Variants in TYMP observed in about 807,000 individuals in gnomAD.
TYMP encodes the protein thymidine phosphorylase.
A neutral mutation model predicts 42.3 loss-of-function variants in TYMP; 46 were observed. The ratio of observed to expected loss-of-function variants is 1.09; its 90% CI spans 0.86 to 1.39. The LOEUF (loss-of-function observed/expected upper bound fraction) is 1.39. TYMP is among the 40% of genes most tolerant of loss of function. The probability of loss-of-function intolerance (pLI) is 0.00; values close to 1 mark genes in which losing one functional copy is unlikely to be tolerated. For synonymous variants in TYMP, 363 were observed against 308.0 expected (o/e 1.18, Z -1.87); for missense variants, 837 against 677.6 (o/e 1.24, Z -2.61).
Position 50,526,298 on chromosome 22 carries a change from C to T in TYMP, c.1107G>A (p.Arg369=). 6.4e-7 allele frequency: 1 copy of T among 1,555,994 alleles called. No homozygotes were observed. Among genetic ancestry groups the T allele is most frequent in the Non-Finnish European group, 8.6e-7 (1 of 1,161,466 alleles). The stretch of plus-strand genomic sequence containing the variant: ...GCTCCCGGGCGCGAGGCAGCAGCTG[C>T]CGGCGTTCTGCGGGACTTCCCGAGC... ...ALCSGSPAER[R]QLLPRAREQE... is the part of the protein sequence containing the mutation. Residue 369 remains arginine, a synonymous_variant, in exon 8 of 10, where the codon CGG becomes CGA. Transcript: ENST00000252029.
intron 1 of TYMP, 84 bp downstream of exon 1, chr22:50,529,820 C>T (rs745558547): frequency 9.8e-7 from 1 of 1,022,426 alleles, no homozygotes; most frequent in Non-Finnish European, 1.4e-6. Flanking sequence ...TCTCCGGTGT[C>T]CGCCCCTCGG....
At chr22:50,526,208 G>C in intron 8 of TYMP, 38 bp downstream of exon 8, 1 of 1,494,472 alleles carries the variant, frequency 6.7e-7, no homozygotes, top group Non-Finnish European at 8.9e-7. Flanking sequence ...GGAAGGGGAT[G>C]GCGGAGGCGG....
At position 50,527,221 on chromosome 22, in the gene TYMP, C is replaced by G. The variant is rs1556488369; in HGVS notation, c.709G>C (p.Gly237Arg). Residue 237 changes from glycine to arginine, a missense_variant, in exon 6 of 10, where the codon GGA (glycine) becomes CGA (arginine). Physicochemically the swap from Gly to Arg is moderately radical, Grantham distance 125. Transcript: ENST00000252029. The part of the protein sequence containing the change: ...LSALVVDVKF[G>R]GAAVFPNQEQ... ...TGGTTGGGGAAGACGGCGGCCCCTC[C>G]GAACTTAACGTCCACCACCAGAGCG... The G allele has an allele frequency of 1.2e-6, 2 of 1,613,616 alleles. No individual in the cohort carries two copies. Among genetic ancestry groups the G allele is most frequent in the Non-Finnish European group, 1.7e-6 (2 of 1,180,008 alleles).
chr22:50,528,178 A>T (rs1359879983), intron 4 of TYMP: 2 of 408,790 alleles, frequency 4.9e-6, no homozygotes, highest in Non-Finnish European at 9.2e-6. Context: ...CACGCAGCGA[A>T]CTATTTTGTA....
At position 50,526,640 on chromosome 22, in the gene TYMP, C is replaced by T. The variant is rs1429026707; in HGVS notation, c.864G>A (p.Glu288=). The stretch of plus-strand genomic sequence containing the variant: ...CGCCGTCCATGCAGAGCAGCGCCTC[C>T]TCCACCTCCAGGGCGTGGCCCACGC... ...GRCVGHALEV[E]EALLCMDGAG... Residue 288 remains glutamate (E), a synonymous_variant, in exon 7 of 10, where the codon GAG becomes GAA. Transcript: ENST00000252029. 3 of 1,569,834 alleles carry T rather than the reference C, an allele frequency of 1.9e-6. No individual in the cohort carries two copies. Among genetic ancestry groups the T allele is most frequent in the African/African-American group, 2.7e-5 (2 of 73,960 alleles).
At chr22:50,529,057 G>A in intron 3 of TYMP, 79 bp downstream of exon 3, 3 of 1,467,750 alleles carry the variant, frequency 2.0e-6, no homozygotes, top group Non-Finnish European at 2.8e-6. Context: ...CCAGGCTTGA[G>A]GTTGGGAGCT....
At chr22:50,526,504 G>C in intron 7 of TYMP, 28 bp from the exon 8 acceptor site, 1 of 1,521,708 alleles carries the variant, frequency 6.6e-7, no homozygotes, top group Non-Finnish European at 8.8e-7. Flanking sequence ...TCTTAGGCGC[G>C]GCCGGGTCGG....
chr22:50,526,271 C>T lies in TYMP; in HGVS notation c.1134G>A (p.Gln378=). 4 of 1,542,428 alleles carry T rather than the reference C, an allele frequency of 2.6e-6. No homozygotes were observed. The highest frequency in any genetic ancestry group is 3.5e-6 in the Non-Finnish European group (4 of 1,154,780). Residue 378 remains glutamine, a synonymous_variant, in exon 8 of 10, where the codon CAG becomes CAA. Transcript: ENST00000252029. ...CATCTGCGGGCGCCAGCAGCTCCTC[C>T]TGCTCCCGGGCGCGAGGCAGCAGCT... ...RRQLLPRARE[Q]EELLAPADGT... is the part of the protein sequence containing the mutation.
rs867744008 is a variant in TYMP, at chr22:50,527,185, G to A, written c.745C>T (p.Arg249Trp). Residue 249 changes from arginine to tryptophan, a missense_variant, in exon 6 of 10, where the codon CGG becomes TGG. Transcript: ENST00000252029. The part of the protein sequence containing the change: ...AAVFPNQEQA[R>W]ELAKTLVGVG... Reference sequence around the variant, plus strand: ...CTCACCAGCGTCTTTGCCAGCTCCCGGGCCTGCTCCTGGTTGGGGAAGACG... The same window carrying A: ...CTCACCAGCGTCTTTGCCAGCTCCCAGGCCTGCTCCTGGTTGGGGAAGACG... 7 of 1,613,056 alleles carry A rather than the reference G, an allele frequency of 4.3e-6. No individual in the cohort carries two copies. In the African/African-American group the frequency reaches 6.7e-5, roughly 15 times the overall value.
intron 3 of TYMP, chr22:50,528,900 A>G: frequency 1.6e-6 from 1 of 621,396 alleles, no homozygotes; most frequent in South Asian, 1.9e-5. Context: ...AGGGGTCTGA[A>G]TTCCATCAGT....
intron 3 of TYMP, 174 bp downstream of exon 3, chr22:50,528,962 G>A (rs1256284595): frequency 1.3e-5 from 10 of 745,076 alleles, no homozygotes; most frequent in Non-Finnish European, 2.3e-5. Flanking sequence ...GGGGCCCCAA[G>A]CGCTGTGCTG....
At chr22:50,529,111 G>A (rs199914723) in intron 3 of TYMP, 25 bp downstream of exon 3, 5 of 1,611,894 alleles carry the variant, frequency 3.1e-6, no homozygotes, top group East Asian at 2.2e-5. Context: ...ATAGGCTCCC[G>A]TCTGGAAAGG....
chr22:50,528,928 C>G, intron 3 of TYMP: 1 of 640,242 alleles, frequency 1.6e-6, no homozygotes, highest in South Asian at 1.8e-5. Flanking sequence ...TTTCCTGCTC[C>G]AAGGGGCCTG....
chr22:50,527,543 C>T (rs1319104813), intron 5 of TYMP, 45 bp downstream of exon 5: 4 of 1,613,710 alleles, frequency 2.5e-6, no homozygotes, highest in Non-Finnish European at 3.4e-6. Context: ...GTTTGGAGGT[C>T]AGGAGCCTGT....
chr22:50,527,536 T>A (rs1247699337), intron 5 of TYMP, 52 bp downstream of exon 5: 2 of 1,613,478 alleles, frequency 1.2e-6, no homozygotes, highest in African/African-American at 1.3e-5. Context: ...GACTTGAGTT[T>A]GGAGGTCAGG....
In TYMP at chr22:50,528,746, G is replaced by T. The variant is rs796402352; in HGVS notation, c.418-136C>A. Reference sequence around the variant, plus strand: ...GCTATAGGGGTGCCCAGCTGGTGAGGGAATGGAAAGGAAGTTTTCTTGGTT... The same window carrying T: ...GCTATAGGGGTGCCCAGCTGGTGAGTGAATGGAAAGGAAGTTTTCTTGGTT... On this transcript the variant is annotated intron_variant, in intron 3 of 9. Coordinates refer to ENST00000252029, the MANE Select transcript of TYMP (RefSeq NM_001953.5). The T allele has an allele frequency of 6.5e-5, 47 of 725,010 alleles. No individual in the cohort carries two copies. In the African/African-American group the frequency reaches 7.8e-4, roughly 12 times the overall value. The allele number at this position is 725,010 out of a possible 1,614,324, so 44.9% of individuals were successfully genotyped here.
chr22:50,527,922 G>GCACCAC, intron 4 of TYMP: 1 of 611,748 alleles, frequency 1.6e-6, no homozygotes, highest in Non-Finnish European at 2.8e-6. Context: ...CTACAGGTGC[G>GCACCAC]CACCACCACA....
rs749713507 is a variant in TYMP at position 50,526,427 on chromosome 22, G to A, written c.978C>T (p.Gly326=). The stretch of plus-strand genomic sequence containing the variant: ...CCAGCGCCGCGGCCACCCGGGCAGC[G>A]CCCTGGGCCTGAGTCCCCGCGTGTC... The part of the protein sequence containing the change: ...LSGHAGTQAQ[G]AARVAAALDD... The change falls in exon 8 of 10, where the codon GGC becomes GGT. Residue 326 remains glycine, a synonymous_variant. Coordinates refer to ENST00000252029, the MANE Select transcript of TYMP (RefSeq NM_001953.5). 5 of 1,505,092 alleles carry A rather than the reference G, an allele frequency of 3.3e-6. No homozygotes were observed. Among genetic ancestry groups the A allele is most frequent in the Non-Finnish European group, 4.4e-6 (5 of 1,136,240 alleles). The allele number at this position is 1,505,092 out of a possible 1,614,324, so 93.2% of individuals were successfully genotyped here. A position where few individuals can be genotyped will look rare whatever the true frequency, so the allele number is the denominator to read the frequency against.
In TYMP at chr22:50,526,698, G is replaced by A; in HGVS notation, c.806C>T (p.Ala269Val). 1 of 1,542,234 alleles carries A rather than the reference G, an allele frequency of 6.5e-7. No homozygotes were observed. The highest frequency in any genetic ancestry group is 8.7e-7 in the Non-Finnish European group (1 of 1,148,094). Residue 269 changes from alanine (A) to valine (V), a missense_variant, in exon 7 of 10, where the codon GCG (alanine) becomes GTG (valine). By Grantham distance (64) the Ala-to-Val change is moderately conservative (BLOSUM62 0). Coordinates refer to ENST00000252029, the MANE Select transcript of TYMP (RefSeq NM_001953.5). ...GASLGLRVAA[A>V]LTAMDKPLGR... The stretch of plus-strand genomic sequence containing the variant: ...CAGGGGCTTGTCCATGGCGGTCAGC[G>A]CTGCCGCGACCCGAAGCCCTAGGCT...
Sources: allele counts gnomAD v4.1 joint callset, GRCh38; gene constraint gnomAD v4.1.1; transcripts MANE v1.5; gene names NCBI Gene and HGNC (gene_info 2026-07-23, HGNC 2026-07-21).